Variants in MMP26 observed in about 807,000 individuals in gnomAD.
The protein encoded by MMP26 is matrix metallopeptidase 26, also known as matrix metalloproteinase-26.
Under a neutral mutation model 31.0 loss-of-function variants are expected in MMP26, and 33 were observed. The ratio of observed to expected loss-of-function variants is 1.06; its 90% CI spans 0.81 to 1.42. MMP26 has a LOEUF of 1.42. Ranked by LOEUF, MMP26 falls within the 40% of genes most tolerant of loss-of-function variation. The probability of loss-of-function intolerance (pLI) is 0.00; values close to 1 mark genes in which losing one functional copy is unlikely to be tolerated. For missense variants in MMP26, 347 were observed against 316.1 expected (o/e 1.10, Z -0.74); for synonymous variants, 122 against 114.9 (o/e 1.06, Z -0.40).
chr11:4,910,387 C>T (rs144411881), intron 2 of MMP26, among the ~76,000 whole-genome samples: 2 of 152,078 alleles, frequency 1.3e-5, no homozygotes, highest in African/African-American at 4.8e-5. Context: ...CTTAATCAGT[C>T]TGCAAAGTAT....
At chr11:4,791,473 A>C (rs17228295) in intron 2 of MMP26, among the ~76,000 whole-genome samples, 2,977 of 152,214 alleles carry the variant, frequency 0.02, 54 homozygotes, top group South Asian at 0.075. Context: ...TCTCCTGATC[A>C]AGCTCCCACT....
At chr11:4,722,750 G>A in intron 1 of MMP26, 5 of 932,624 alleles carry the variant, frequency 5.4e-6, no homozygotes, top group East Asian at 4.8e-5. Context: ...TGGGCAGGAC[G>A]TCAGAGGACT....
chr11:4,850,277 C>A (rs193050297), intron 2 of MMP26, among the ~76,000 whole-genome samples: 7 of 152,230 alleles, frequency 4.6e-5, no homozygotes, highest in African/African-American at 1.7e-4. Context: ...TCAAATAATC[C>A]AAAGCAGATC....
intron 1 of MMP26, among the ~76,000 whole-genome samples, chr11:4,744,480 C>CATTGT (rs1201098665): frequency 3.3e-5 from 5 of 151,800 alleles, no homozygotes; most frequent in Non-Finnish European, 7.4e-5. Flanking sequence ...AATGCATGAC[C>CATTGT]ATTGTCTCTT....
chr11:4,916,776 A>G (rs960821122), intron 2 of MMP26, among the ~76,000 whole-genome samples: 1 of 152,184 alleles, frequency 6.6e-6, no homozygotes, highest in African/African-American at 2.4e-5. Context: ...CCTCCTGTCA[A>G]TCAGTAACCA....
rs1312170604 is a variant in MMP26 at position 4,954,334 on chromosome 11, T to C, written c.-144-33734T>C. On this transcript the variant is annotated intron_variant, in intron 2 of 7. Transcript: ENST00000380390. Reference sequence around the variant, plus strand: ...ATGTAAAAATCCAACCCATATCAAATATAAAAGCTGGAATTTAAAAAAGAT... The same window carrying C: ...ATGTAAAAATCCAACCCATATCAAACATAAAAGCTGGAATTTAAAAAAGAT... 1.6e-5 allele frequency among the ~76,000 whole-genome samples: 2 copies of C among 124,138 alleles called. 1 individual carries two copies. The highest frequency in any genetic ancestry group is 3.6e-5 in the Non-Finnish European group (2 of 55,060). 81.4% of individuals were successfully genotyped at this position (124,138 alleles called of 152,430 possible).
chr11:4,958,579 A>G (rs933914390), intron 2 of MMP26, among the ~76,000 whole-genome samples: 4 of 151,938 alleles, frequency 2.6e-5, no homozygotes, highest in African/African-American at 9.7e-5. Flanking sequence ...TATCTTCTCT[A>G]TCATCTATCA....
intron 2 of MMP26, among the ~76,000 whole-genome samples, chr11:4,768,714 C>A (rs1327254867): frequency 1.3e-5 from 2 of 152,112 alleles, no homozygotes; most frequent in Admixed American, 1.3e-4. Flanking sequence ...GAACACCTAG[C>A]CTGAAACAAA....
chr11:4,896,519 G>C (rs1348542974), intron 2 of MMP26, among the ~76,000 whole-genome samples: 1 of 152,176 alleles, frequency 6.6e-6, no homozygotes, highest in Non-Finnish European at 1.5e-5. Context: ...GACTGGGATG[G>C]ACTAAAAGTT....
chr11:4,923,576 A>T, intron 2 of MMP26: 2 of 1,614,086 alleles, frequency 1.2e-6, no homozygotes, highest in Non-Finnish European at 1.7e-6. Flanking sequence ...AATCATGGGG[A>T]TGTAGAAGAG....
intron 2 of MMP26, among the ~76,000 whole-genome samples, chr11:4,844,254 T>A (rs963034903): frequency 3.9e-5 from 6 of 152,012 alleles, no homozygotes; most frequent in Admixed American, 1.3e-4. Context: ...AAATAACAAG[T>A]AACAAGATCA....
chr11:4,770,246 C>A (rs543926461), intron 2 of MMP26, among the ~76,000 whole-genome samples: 16 of 152,178 alleles, frequency 1.1e-4, no homozygotes, highest in African/African-American at 3.4e-4. Flanking sequence ...TGAATAAAGA[C>A]TTAGCTGAGA....
chr11:4,982,559 A>G (rs1211412438), intron 2 of MMP26, among the ~76,000 whole-genome samples: 2 of 152,212 alleles, frequency 1.3e-5, no homozygotes, highest in African/African-American at 4.8e-5. Flanking sequence ...TTTGTAAAAT[A>G]AAAGTTGTTC....
intron 2 of MMP26, among the ~76,000 whole-genome samples, chr11:4,969,530 A>C (rs531891813): frequency 2.0e-5 from 3 of 152,162 alleles, no homozygotes; most frequent in East Asian, 1.9e-4. Flanking sequence ...TTTATATGAC[A>C]GGCATGTTAG....
At chr11:4,785,637 T>C (rs994796448) in intron 2 of MMP26, among the ~76,000 whole-genome samples, 22 of 152,214 alleles carry the variant, frequency 1.4e-4, no homozygotes, top group African/African-American at 5.1e-4. Context: ...CAAATCCTAA[T>C]TCACTATACA....
chr11:4,891,994 C>CATTA (rs1321144518), intron 2 of MMP26, among the ~76,000 whole-genome samples: 5 of 151,936 alleles, frequency 3.3e-5, no homozygotes, highest in African/African-American at 9.7e-5. Context: ...TGCTTTGTAG[C>CATTA]ATTAAGCATA....
rs1161653708 is a variant in MMP26, at chr11:4,741,473, A to G, written c.-216-25797A>G. Among the ~76,000 whole-genome samples, 7 of 152,184 alleles carry G rather than the reference A, an allele frequency of 4.6e-5. No individual in the cohort carries two copies. In the East Asian group the frequency reaches 1.3e-3, roughly 29 times the overall value. On this transcript the variant is annotated intron_variant, in intron 1 of 7. Coordinates refer to ENST00000380390, the MANE Select transcript of MMP26 (RefSeq NM_021801.5). ...ACCATGCATACTATGCAGTCAATAA[A>G]AGGAATGAGATCATGTCCTTTGCAG...
chr11:4,764,733 C>T lies in MMP26; in HGVS notation c.-216-2537C>T, dbSNP rs533754616. Among the ~76,000 whole-genome samples the T allele has an allele frequency of 1.1e-4, 16 of 152,140 alleles. No individual in the cohort carries two copies. The South Asian group carries it at 2.9e-3, about 28-fold the overall frequency. ...CTAAAAATACAAAAAATTAGCTGGG[C>T]GCGGTGGCGGGCGCCTGTAGTCCCA... On this transcript the variant is annotated intron_variant, in intron 1 of 7. Coordinates refer to ENST00000380390, the MANE Select transcript of MMP26 (RefSeq NM_021801.5).
At chr11:4,722,344 G>A (rs1848023685) in intron 1 of MMP26, among the ~76,000 whole-genome samples, 1 of 151,966 alleles carries the variant, frequency 6.6e-6, no homozygotes, top group Admixed American at 6.6e-5. Flanking sequence ...TCTCTTTAAT[G>A]AGCAAAGATA....
Sources: gnomAD v4.1 joint callset for allele counts (sites outside exome capture counted in the v4.1 genomes callset) on GRCh38, gnomAD v4.1.1 for gene constraint, MANE v1.5 for transcripts, NCBI Gene and HGNC (gene_info 2026-07-23, HGNC 2026-07-21) for gene names.